Variants in ZFPM2 observed in about 807,000 individuals in gnomAD.
ZFPM2 encodes zinc finger protein ZFPM2.
A neutral mutation model predicts 98.6 loss-of-function variants in ZFPM2; 20 were observed. That is an observed-to-expected ratio of 0.20 (90% confidence interval 0.14 to 0.29). ZFPM2 has a LOEUF of 0.29. Ranked by LOEUF, ZFPM2 falls within the 10% of genes least tolerant of loss-of-function variation. ZFPM2 has a pLI of 1.00. For synonymous variants in ZFPM2, 518 were observed against 502.7 expected, an observed-to-expected ratio of 1.03 and a Z score of -0.41; for missense variants, 1,310 against 1,388.6, an observed-to-expected ratio of 0.94 and a Z score of 0.90.
chr8:105,441,480 A>G lies in ZFPM2; in HGVS notation c.200-2800A>G, dbSNP rs536189348. On this transcript the variant is annotated intron_variant, in intron 2 of 7. Coordinates refer to ENST00000407775, the MANE Select transcript of ZFPM2 (RefSeq NM_012082.4). ...AAAGAAAGAAAGAAAGAAAGAAAGAAAGAAAGAAAGAAAGAAAGAAATCAA... is the reference window on the plus strand; with the variant it reads ...AAAGAAAGAAAGAAAGAAAGAAAGAGAGAAAGAAAGAAAGAAAGAAATCAA... Among the ~76,000 whole-genome samples the G allele has an allele frequency of 2.0e-5, 2 of 97,630 alleles. 1 individual carries two copies. Among genetic ancestry groups the G allele is most frequent in the African/African-American group, 1.3e-4 (2 of 15,804 alleles). 64.0% of individuals were successfully genotyped at this position (97,630 alleles called of 152,430 possible).
chr8:105,670,369 G>A (rs1327557100), intron 5 of ZFPM2, among the ~76,000 whole-genome samples: 2 of 151,922 alleles, frequency 1.3e-5, no homozygotes, highest in African/African-American at 2.4e-5. Flanking sequence ...GGTGGCGGGC[G>A]CCTGTAGTCC....
chr8:105,322,145 C>T (rs573002423), intron 1 of ZFPM2, among the ~76,000 whole-genome samples: 1 of 152,150 alleles, frequency 6.6e-6, no homozygotes, highest in South Asian at 2.1e-4. Flanking sequence ...TGCTATCAGC[C>T]CATCTCCCCG....
chr8:105,450,740 G>A (rs922523734), intron 3 of ZFPM2, among the ~76,000 whole-genome samples: 21 of 151,754 alleles, frequency 1.4e-4, no homozygotes, highest in African/African-American at 5.1e-4. Flanking sequence ...GTATTGGGGG[G>A]GTCAGGAAAA....
At chr8:105,617,845 A>G (rs554431275) in intron 4 of ZFPM2, among the ~76,000 whole-genome samples, 1 of 152,158 alleles carries the variant, frequency 6.6e-6, no homozygotes, top group African/African-American at 2.4e-5. Flanking sequence ...TCATCTCTAC[A>G]GGTATAAAAA....
At chr8:105,340,620 T>C (rs1812411514) in intron 1 of ZFPM2, among the ~76,000 whole-genome samples, 1 of 151,968 alleles carries the variant, frequency 6.6e-6, no homozygotes, top group Non-Finnish European at 1.5e-5. Flanking sequence ...TTGTTAATGA[T>C]GGAGACTTCT....
chr8:105,364,240 C>T lies in ZFPM2; in HGVS notation c.40+45259C>T, dbSNP rs576409320. On this transcript the variant is annotated intron_variant, in intron 1 of 7. Coordinates refer to ENST00000407775, the MANE Select transcript of ZFPM2 (RefSeq NM_012082.4). ...AATGTAAATTTTTATAATGCTATAA[C>T]ATACTGTCTGGAAGTAGGAATTGGT... Among the ~76,000 whole-genome samples, 8 of 151,998 alleles carry T rather than the reference C, an allele frequency of 5.3e-5. No individual in the cohort carries two copies. In the East Asian group the frequency reaches 1.5e-3, roughly 29 times the overall value.
chr8:105,650,082 TTCTCCGAAGACTAAAG>T (rs1817138296), intron 5 of ZFPM2, among the ~76,000 whole-genome samples: 1 of 152,188 alleles, frequency 6.6e-6, no homozygotes. Flanking sequence ...GGGATTCAAC[TTCTCCGAAGACTAAAG>T]TCTTGGGAGG....
chr8:105,344,342 C>T (rs756718058), intron 1 of ZFPM2, among the ~76,000 whole-genome samples: 4 of 152,158 alleles, frequency 2.6e-5, no homozygotes, highest in Non-Finnish European at 4.4e-5. Flanking sequence ...TCAAGCAGTA[C>T]GTTCAGCTGG....
At chr8:105,357,631 C>G (rs1812774131) in intron 1 of ZFPM2, among the ~76,000 whole-genome samples, 1 of 151,684 alleles carries the variant, frequency 6.6e-6, no homozygotes, top group Admixed American at 6.6e-5. Context: ...TATGTTTCTT[C>G]TAGAAAATTT....
At chr8:105,566,950 T>C (rs2130711593) in intron 4 of ZFPM2, among the ~76,000 whole-genome samples, 1 of 152,310 alleles carries the variant, frequency 6.6e-6, no homozygotes, top group Middle Eastern at 3.4e-3. Context: ...AAGGGCACTA[T>C]AGATATTTTG....
chr8:105,558,711 T>G (rs962713978), intron 3 of ZFPM2, among the ~76,000 whole-genome samples: 2 of 152,162 alleles, frequency 1.3e-5, no homozygotes, highest in Non-Finnish European at 2.9e-5. Context: ...AATTACTTTT[T>G]TAAAGGGTTT....
At position 105,647,450 on chromosome 8, in the gene ZFPM2, C is replaced by A. The variant is rs1817070077; in HGVS notation, c.532+13093C>A. Among the ~76,000 whole-genome samples, 3 of 151,800 alleles carry A rather than the reference C, an allele frequency of 2.0e-5. No individual in the cohort carries two copies. In the South Asian group the frequency reaches 6.3e-4, roughly 32 times the overall value. On this transcript the variant is annotated intron_variant, in intron 5 of 7. Coordinates refer to ENST00000407775, the MANE Select transcript of ZFPM2 (RefSeq NM_012082.4). ...TGTGCAGGTTTGTTACCTATGTATA[C>A]ATGTGCCATGCTGGTGTGCTGCACC...
chr8:105,635,344 A>G (rs1816825886), intron 5 of ZFPM2, among the ~76,000 whole-genome samples: 1 of 152,216 alleles, frequency 6.6e-6, no homozygotes, highest in African/African-American at 2.4e-5. Context: ...ACTTGCTAGA[A>G]ACAATTACAA....
At chr8:105,616,693 A>C (rs1390923559) in intron 4 of ZFPM2, 1 of 390,746 alleles carries the variant, frequency 2.6e-6, no homozygotes, top group African/African-American at 2.1e-5. Flanking sequence ...AAGGTAACCA[A>C]CGGACAGAGA....
At chr8:105,347,517 G>T (rs969992171) in intron 1 of ZFPM2, among the ~76,000 whole-genome samples, 3 of 152,080 alleles carry the variant, frequency 2.0e-5, no homozygotes, top group African/African-American at 7.2e-5. Context: ...ACACCAAGAG[G>T]TTATGTTTCA....
At chr8:105,356,744 C>G (rs566950183) in intron 1 of ZFPM2, among the ~76,000 whole-genome samples, 1 of 152,144 alleles carries the variant, frequency 6.6e-6, no homozygotes, top group Non-Finnish European at 1.5e-5. Flanking sequence ...CTCCTTCCCC[C>G]GACAGTTGAT....
chr8:105,419,292 T>A lies in ZFPM2; in HGVS notation c.189T>A (p.Phe63Leu). Residue 63 changes from phenylalanine (F) to leucine (L), a missense_variant, in exon 2 of 8, where the codon TTT (phenylalanine) becomes TTA (leucine). By Grantham distance (22) the Phe-to-Leu change is conservative. Coordinates refer to ENST00000407775, the MANE Select transcript of ZFPM2 (RefSeq NM_012082.4). ...ENLSCEEVEY[F>L]CNKGDDEGIQ... is the part of the protein sequence containing the mutation. Reference sequence around the variant, plus strand: ...TGAGCTGCGAAGAAGTGGAATACTTTTGTAACAAAGGTAATTGTTGATGGT... The same window carrying A: ...TGAGCTGCGAAGAAGTGGAATACTTATGTAACAAAGGTAATTGTTGATGGT... 6.2e-7 allele frequency: 1 copy of A among 1,613,290 alleles called. No individual in the cohort carries two copies. Among genetic ancestry groups the A allele is most frequent in the Non-Finnish European group, 8.5e-7 (1 of 1,179,552 alleles).
intron 3 of ZFPM2, among the ~76,000 whole-genome samples, chr8:105,502,455 T>C (rs1813614904): frequency 6.6e-6 from 1 of 152,124 alleles, no homozygotes; most frequent in South Asian, 2.1e-4. Context: ...TCACCATTTA[T>C]GGGGAAAGTA....
At chr8:105,423,859 C>A (rs561074493) in intron 2 of ZFPM2, among the ~76,000 whole-genome samples, 1 of 152,114 alleles carries the variant, frequency 6.6e-6, no homozygotes, top group Non-Finnish European at 1.5e-5. Context: ...TGGCGTGGAG[C>A]AGTTCTAATT....
Sources: allele counts gnomAD v4.1 joint callset (sites outside exome capture counted in the v4.1 genomes callset), GRCh38; gene constraint gnomAD v4.1.1; transcripts MANE v1.5; gene names NCBI Gene and HGNC (gene_info 2026-07-23, HGNC 2026-07-21).